The following OCLN variants were observed in gnomAD, a reference collection of about 807,000 sequenced individuals.
OCLN encodes phosphatase 1, regulatory subunit 115.
OCLN carries 21 observed loss-of-function variants against 47.9 expected under a neutral mutation model. The observed-to-expected ratio is 0.44, with a 90% CI of 0.31 to 0.63. The LOEUF (loss-of-function observed/expected upper bound fraction) is 0.63. Among genes scored for constraint, OCLN ranks in the 30% least tolerant of loss-of-function variants. The pLI is 0.08. For missense variants in OCLN, 360 were observed against 571.0 expected (o/e 0.63, Z 3.77); for synonymous variants, 117 against 198.4 (o/e 0.59, Z 3.45).
chr5:69,515,479 C>T (rs867764168), intron 4 of OCLN, among the ~76,000 whole-genome samples: 15 of 125,444 alleles, frequency 1.2e-4, no homozygotes, highest in Admixed American at 1.6e-4. Context: ...CCAGTAGGGG[C>T]GGCCGGGCAG....
In OCLN at chr5:69,555,199, G is replaced by T. The variant is rs1769943491; in HGVS notation, c.*1528G>T. The T allele has an allele frequency of 7.0e-6, 1 of 142,464 alleles. No homozygotes were observed. The highest frequency in any genetic ancestry group is 1.6e-5 in the Non-Finnish European group (1 of 64,214). 8.8% of individuals were successfully genotyped at this position (142,464 alleles called of 1,614,324 possible). The stretch of plus-strand genomic sequence containing the variant: ...TCTGCCTGCCTCGGCCTCCCAAAGT[G>T]CTGGGATTACAGGCGTGAGCCACCA... On this transcript the variant is annotated 3_prime_UTR_variant, in exon 9 of 9. Transcript: ENST00000396442.
intron 4 of OCLN, among the ~76,000 whole-genome samples, chr5:69,519,907 G>C (rs1769086232): frequency 6.6e-6 from 1 of 152,152 alleles, no homozygotes; most frequent in Non-Finnish European, 1.5e-5. Context: ...CGTATATGTG[G>C]ACCCATGCAG....
At chr5:69,529,557 G>T (rs1769373592) in intron 4 of OCLN, among the ~76,000 whole-genome samples, 1 of 152,102 alleles carries the variant, frequency 6.6e-6, no homozygotes, top group Non-Finnish European at 1.5e-5. Flanking sequence ...TGTTCAGTGT[G>T]AGTGCTTGTC....
intron 2 of OCLN, among the ~76,000 whole-genome samples, chr5:69,505,303 T>C (rs969223504): frequency 6.6e-6 from 1 of 152,156 alleles, no homozygotes; most frequent in African/African-American, 2.4e-5. Flanking sequence ...ATAATTAACA[T>C]ACTTTACAAT....
chr5:69,515,608 G>T (rs200638879), intron 4 of OCLN, among the ~76,000 whole-genome samples: 7 of 33,282 alleles, frequency 2.1e-4, no homozygotes, highest in Non-Finnish European at 3.1e-4. Context: ...CCTCCCTCCC[G>T]GACGGGGCGG....
At chr5:69,516,508 C>A (rs968915782) in intron 4 of OCLN, among the ~76,000 whole-genome samples, 1 of 150,830 alleles carries the variant, frequency 6.6e-6, no homozygotes, top group Non-Finnish European at 1.5e-5. Context: ...AGAGGGAGAC[C>A]GTGGGGAGAG....
At chr5:69,504,090 AC>A in intron 1 of OCLN, 86 bp from the exon 2 acceptor site, 1 of 664,642 alleles carries the variant, frequency 1.5e-6, no homozygotes, top group South Asian at 1.7e-5. Context: ...ACAGGGTGAG[AC>A]CCTGTCTCGG....
intron 4 of OCLN, among the ~76,000 whole-genome samples, chr5:69,525,205 C>T (rs752598338): frequency 2.2e-4 from 34 of 151,502 alleles, no homozygotes; most frequent in South Asian, 4.2e-4. Flanking sequence ...CCCGGGTTGA[C>T]GCCATTCTCC....
rs190206005 is a variant in OCLN at position 69,504,675 on chromosome 5, G to A, written c.50+381G>A. Among the ~76,000 whole-genome samples the A allele has an allele frequency of 1.5e-3, 235 of 152,332 alleles. 2 individuals are homozygous for A. Among genetic ancestry groups the A allele is most frequent in the African/African-American group, 5.4e-3 (226 of 41,564 alleles). On this transcript the variant is annotated intron_variant, in intron 2 of 8. Transcript: ENST00000396442. ...CTTTAGGCCGGGTGCGGTGGCTCACGCCTGTAATCCCAGCACCTTGGGAGG... is the reference window on the plus strand; with the variant it reads ...CTTTAGGCCGGGTGCGGTGGCTCACACCTGTAATCCCAGCACCTTGGGAGG...
intron 1 of OCLN, among the ~76,000 whole-genome samples, chr5:69,503,975 C>G (rs907903065): frequency 5.3e-5 from 8 of 152,026 alleles, no homozygotes; most frequent in African/African-American, 1.9e-4. Context: ...TGGTGCAGGT[C>G]TGTAGTCCTA....
intron 4 of OCLN, among the ~76,000 whole-genome samples, chr5:69,517,159 G>T (rs1296638587): frequency 2.0e-5 from 3 of 152,036 alleles, no homozygotes; most frequent in Non-Finnish European, 4.4e-5. Context: ...GACATCACAG[G>T]GTTCTTTGAG....
intron 4 of OCLN, 124 bp downstream of exon 4, chr5:69,514,233 T>C: frequency 1.1e-6 from 1 of 899,658 alleles, no homozygotes; most frequent in Admixed American, 2.0e-5. Context: ...GGTTGTTGCA[T>C]TGGTTTTTAC....
intron 1 of OCLN, among the ~76,000 whole-genome samples, chr5:69,499,734 G>A (rs574882315): frequency 9.9e-5 from 15 of 151,972 alleles, no homozygotes; most frequent in Non-Finnish European, 1.3e-4. Context: ...ACAGGCGCGC[G>A]CCACCAAGCC....
At chr5:69,500,401 T>C (rs1277082318) in intron 1 of OCLN, among the ~76,000 whole-genome samples, 1 of 79,506 alleles carries the variant, frequency 1.3e-5, no homozygotes, top group Non-Finnish European at 3.0e-5. Flanking sequence ...GAGCTTTCTT[T>C]TCTTTTTTTT....
At chr5:69,510,182 C>T (rs1301051060) in intron 3 of OCLN, among the ~76,000 whole-genome samples, 1 of 152,078 alleles carries the variant, frequency 6.6e-6, no homozygotes, top group Non-Finnish European at 1.5e-5. Context: ...ATAAATTTGT[C>T]TATTCTCTAG....
intron 4 of OCLN, among the ~76,000 whole-genome samples, chr5:69,519,817 G>A (rs1438566371): frequency 6.6e-6 from 1 of 152,096 alleles, no homozygotes; most frequent in Non-Finnish European, 1.5e-5. Context: ...CCATGTGTAT[G>A]AAAAATTGGC....
At chr5:69,549,639 A>C (rs1769808021) in intron 7 of OCLN, among the ~76,000 whole-genome samples, 2 of 148,408 alleles carry the variant, frequency 1.3e-5, no homozygotes, top group Non-Finnish European at 3.0e-5. Flanking sequence ...TTTTTTTTCA[A>C]TCCATCCTTT....
At chr5:69,497,542 C>T (rs1031427443) in intron 1 of OCLN, among the ~76,000 whole-genome samples, 2 of 152,030 alleles carry the variant, frequency 1.3e-5, no homozygotes, top group African/African-American at 4.8e-5. Context: ...CACACACCAC[C>T]ATGCCCAACT....
In OCLN at chr5:69,509,265, A is replaced by C. The variant is rs552617487; in HGVS notation, c.175A>C (p.Thr59Pro). ...EDEILHFYKW[T>P]SPPGVIRILS... is the part of the protein sequence containing the mutation. ...TGAAATTCTTCACTTCTACAAATGG[A>C]CCTCTCCTCCAGGAGTGATTCGGAT... Residue 59 changes from threonine (T) to proline (P), a missense_variant, in exon 3 of 9, where the codon ACC becomes CCC. Thr to Pro is a conservative substitution (Grantham distance 38). Around this residue, in one of 3 missense-constraint regions of OCLN, gnomAD observed 314 missense variants for 368.1 expected, o/e 0.85. Coordinates refer to ENST00000396442, the MANE Select transcript of OCLN (RefSeq NM_001205254.2). The C allele has an allele frequency of 6.5e-5, 105 of 1,614,104 alleles. No individual in the cohort carries two copies. The South Asian group carries it at 1.0e-3, about 16-fold the overall frequency.
Sources: gnomAD v4.1 joint callset for allele counts (sites outside exome capture counted in the v4.1 genomes callset) on GRCh38, gnomAD v4.1.1 for gene constraint, gnomAD v4.1.1 regional missense constraint, MANE v1.5 for transcripts, NCBI Gene and HGNC (gene_info 2026-07-23, HGNC 2026-07-21) for gene names.